ASB15: variants seen among roughly 807,000 people sequenced by gnomAD.
The protein encoded by ASB15 is ankyrin repeat and SOCS box protein 15.
ASB15 carries 54 observed loss-of-function variants against 58.0 expected under a neutral mutation model. That is an observed-to-expected ratio of 0.93 (90% CI 0.75 to 1.17). The LOEUF is 1.17. Among genes scored for constraint, ASB15 ranks in the 50% most tolerant of loss-of-function variants. The probability of loss-of-function intolerance (pLI) is 0.00; values close to 1 mark genes in which losing one functional copy is unlikely to be tolerated. For synonymous variants in ASB15, 249 were observed against 262.4 expected (o/e 0.95, Z 0.50); for missense variants, 680 against 707.4 (o/e 0.96, Z 0.44).
chr7:123,583,587 A>G (rs889005059), intron 1 of ASB15, among the ~76,000 whole-genome samples: 1 of 151,988 alleles, frequency 6.6e-6, no homozygotes, highest in African/African-American at 2.4e-5. Context: ...TAAAAAGCTG[A>G]TTTTGATAAA....
intron 1 of ASB15, among the ~76,000 whole-genome samples, chr7:123,585,394 C>T (rs1799348322): frequency 6.6e-6 from 1 of 151,764 alleles, no homozygotes; most frequent in Admixed American, 6.6e-5. Context: ...AGTCCTCAAA[C>T]TGACACATTA....
upstream of ASB15, among the ~76,000 whole-genome samples, chr7:123,599,783 T>A (rs550534153): frequency 6.6e-5 from 10 of 152,210 alleles, no homozygotes; most frequent in Non-Finnish European, 1.3e-4. Flanking sequence ...ATAGAAGGAA[T>A]GCGTATTTGG....
At chr7:123,572,256 C>T (rs561357467) in intron 1 of ASB15, among the ~76,000 whole-genome samples, 1 of 146,268 alleles carries the variant, frequency 6.8e-6, no homozygotes, top group South Asian at 2.2e-4. Context: ...ATTCTCTTGC[C>T]TCAGCCTCCT....
chr7:123,637,013 T>A lies in ASB15; in HGVS notation c.*32T>A, dbSNP rs769452866. On this transcript the variant is annotated 3_prime_UTR_variant, in exon 12 of 12. Coordinates refer to ENST00000451215, the MANE Select transcript of ASB15 (RefSeq NM_001290258.2). Reference sequence around the variant, plus strand: ...ATTTTAAAATGTGATTTAAAAAAAATGTTGAAATGTGATTCCCTCAGATAA... The same window carrying A: ...ATTTTAAAATGTGATTTAAAAAAAAAGTTGAAATGTGATTCCCTCAGATAA... 2.2e-6 allele frequency: 3 copies of A among 1,390,782 alleles called. No individual in the cohort carries two copies. The South Asian group carries it at 3.9e-5, about 18-fold the overall frequency. The allele number at this position is 1,390,782 out of a possible 1,614,324, so 86.2% of individuals were successfully genotyped here.
At position 123,634,211 on chromosome 7, in the gene ASB15, C is replaced by T. The variant is rs139235756; in HGVS notation, c.1595-2598C>T. ...GCTCAGACTCCCCCAGCCACCCCCC[C>T]GACAGGCCCCACCCAGTATGTGCTG... is the stretch of plus-strand genomic sequence containing the variant. On this transcript the variant is annotated intron_variant, in intron 11 of 11. Coordinates refer to ENST00000451215, the MANE Select transcript of ASB15 (RefSeq NM_001290258.2). 7.9e-5 allele frequency among the ~76,000 whole-genome samples: 12 copies of T among 152,182 alleles called. No individual in the cohort carries two copies. In the East Asian group the frequency reaches 1.9e-3, roughly 25 times the overall value.
chr7:123,572,796 T>C (rs980317143), intron 1 of ASB15, among the ~76,000 whole-genome samples: 1 of 152,086 alleles, frequency 6.6e-6, no homozygotes. Flanking sequence ...ATACATTTGT[T>C]ACATTTATTA....
At chr7:123,577,132 C>T (rs1452496729) in intron 1 of ASB15, among the ~76,000 whole-genome samples, 2 of 152,092 alleles carry the variant, frequency 1.3e-5, no homozygotes, top group Non-Finnish European at 2.9e-5. Flanking sequence ...CTGTCTTTTT[C>T]ATATTATTTG....
At chr7:123,636,099 T>C (rs2116696042) in intron 11 of ASB15, among the ~76,000 whole-genome samples, 2 of 152,166 alleles carry the variant, frequency 1.3e-5, no homozygotes, top group East Asian at 3.9e-4. Flanking sequence ...TCACAGACAT[T>C]AAGCGATTTG....
At chr7:123,579,095 T>C (rs1457961173) in intron 1 of ASB15, among the ~76,000 whole-genome samples, 2 of 152,016 alleles carry the variant, frequency 1.3e-5, no homozygotes, top group African/African-American at 4.8e-5. Flanking sequence ...TCAGTGTCTA[T>C]TGTATCCATC....
intron 1 of ASB15, among the ~76,000 whole-genome samples, chr7:123,586,483 G>C (rs1799377420): frequency 6.6e-6 from 1 of 151,430 alleles, no homozygotes; most frequent in African/African-American, 2.4e-5. Context: ...TATATGTTTT[G>C]TAAATATTTT....
At chr7:123,625,721 C>G (rs1237731845) in intron 8 of ASB15, among the ~76,000 whole-genome samples, 3 of 152,158 alleles carry the variant, frequency 2.0e-5, no homozygotes, top group African/African-American at 7.2e-5. Flanking sequence ...GGAGACCTGA[C>G]TCCTAAACTG....
Position 123,627,301 on chromosome 7 carries a change from G to T in ASB15, c.869+20G>T, listed in dbSNP as rs1368964461. 1 of 1,584,034 alleles carries T rather than the reference G, an allele frequency of 6.3e-7. No individual in the cohort carries two copies. Among genetic ancestry groups the T allele is most frequent in the Non-Finnish European group, 8.7e-7 (1 of 1,155,232 alleles). On this transcript the variant is annotated intron_variant, in intron 9 of 11. Transcript: ENST00000451215. Reference sequence around the variant, plus strand: ...TTATCTGTGAGTGATAAATTATAGGGTAATTATTTGAGTTAAAAATGCTAA... The same window carrying T: ...TTATCTGTGAGTGATAAATTATAGGTTAATTATTTGAGTTAAAAATGCTAA...
chr7:123,632,841 A>G (rs73224106), intron 11 of ASB15, among the ~76,000 whole-genome samples: 6,058 of 152,302 alleles, frequency 0.04, 174 homozygotes, highest in Middle Eastern at 0.1. Context: ...TATATAAAAT[A>G]CTATATCCTT....
intron 1 of ASB15, among the ~76,000 whole-genome samples, chr7:123,594,842 C>A (rs902172332): frequency 1.3e-5 from 2 of 152,202 alleles, no homozygotes; most frequent in Admixed American, 6.5e-5. Context: ...GACGTTTAAG[C>A]CTGCAGAAGC....
chr7:123,618,659 A>T (rs1021171747), intron 7 of ASB15, among the ~76,000 whole-genome samples: 1 of 152,106 alleles, frequency 6.6e-6, no homozygotes, highest in African/African-American at 2.4e-5. Flanking sequence ...AGGATGTAAG[A>T]TTATTTACCA....
At chr7:123,599,035 T>C (rs564842428), upstream of ASB15, 1 of 152,356 alleles carries the variant, frequency 6.6e-6, no homozygotes, top group African/African-American at 2.4e-5. Flanking sequence ...TGTTTTTATA[T>C]TCTTTTCTAC....
At chr7:123,575,831 T>TG (rs1343436218) in intron 1 of ASB15, among the ~76,000 whole-genome samples, 46 of 150,908 alleles carry the variant, frequency 3.0e-4, no homozygotes, top group African/African-American at 1.0e-3. Context: ...TTTTTTTTTT[T>TG]GAAATCCACT....
At chr7:123,625,787 C>T (rs1229612331) in intron 8 of ASB15, among the ~76,000 whole-genome samples, 1 of 152,182 alleles carries the variant, frequency 6.6e-6, no homozygotes, top group Admixed American at 6.5e-5. Context: ...ATCTGGTCCT[C>T]AGCGTCCTCA....
intron 6 of ASB15, among the ~76,000 whole-genome samples, 155 bp from the exon 7 acceptor site, chr7:123,617,424 C>T (rs1460624111): frequency 6.6e-6 from 1 of 152,176 alleles, no homozygotes; most frequent in Non-Finnish European, 1.5e-5. Flanking sequence ...CTACTTTATC[C>T]TCACCGTCAT....
Sources: allele counts gnomAD v4.1 joint callset (sites outside exome capture counted in the v4.1 genomes callset), GRCh38; gene constraint gnomAD v4.1.1; transcripts MANE v1.5; gene names NCBI Gene and HGNC (gene_info 2026-07-23, HGNC 2026-07-21).